Variants in BRWD1 observed in about 807,000 individuals in gnomAD.
BRWD1 encodes bromodomain and WD repeat-containing protein 1.
A neutral mutation model predicts 251.2 loss-of-function variants in BRWD1; 82 were observed. The observed-to-expected ratio is 0.33, with a 90% CI of 0.27 to 0.39. The LOEUF is 0.39. Among genes scored for constraint, BRWD1 ranks in the 10% least tolerant of loss-of-function variants. The pLI is 1.00. For synonymous variants in BRWD1, 918 were observed against 902.8 expected, an observed-to-expected ratio of 1.02 and a Z score of -0.30; for missense variants, 2,233 against 2,711.6, an observed-to-expected ratio of 0.82 and a Z score of 3.92.
intron 10 of BRWD1, 99 bp from the exon 11 acceptor site, chr21:39,277,450 CCTAAAA>C (rs2035313216): frequency 9.5e-6 from 7 of 738,308 alleles, no homozygotes; most frequent in African/African-American, 3.7e-5. Context: ...GATCATTTAC[CCTAAAA>C]CTAAGTTTAT....
intron 15 of BRWD1, among the ~76,000 whole-genome samples, chr21:39,269,098 A>T (rs1433440434): frequency 6.6e-6 from 1 of 152,206 alleles, no homozygotes; most frequent in Non-Finnish European, 1.5e-5. Context: ...AATATATCTA[A>T]AAAGATGTTA....
chr21:39,210,660 A>C (rs2032615466), intron 35 of BRWD1, 126 bp downstream of exon 35: 14 of 1,090,470 alleles, frequency 1.3e-5, no homozygotes, highest in African/African-American at 1.6e-5. Flanking sequence ...CCACTAACTT[A>C]GTGATAGGAG....
chr21:39,304,580 C>G (rs1353521172), intron 4 of BRWD1, among the ~76,000 whole-genome samples: 1 of 151,342 alleles, frequency 6.6e-6, no homozygotes, highest in Non-Finnish European at 1.5e-5. Context: ...TGCCACTGCA[C>G]TCCACCCTGG....
chr21:39,269,451 C>T (rs1352158914), intron 15 of BRWD1, among the ~76,000 whole-genome samples: 3 of 151,512 alleles, frequency 2.0e-5, no homozygotes, highest in Admixed American at 6.6e-5. Context: ...TTCAGAGCCA[C>T]CACACCCAGC....
chr21:39,301,872 G>A (rs899050039), intron 4 of BRWD1, among the ~76,000 whole-genome samples: 12 of 135,934 alleles, frequency 8.8e-5, no homozygotes, highest in African/African-American at 3.4e-4. Flanking sequence ...GCATAAGGCA[G>A]TAGAACATCT....
chr21:39,310,649 G>A (rs899750288), intron 4 of BRWD1, among the ~76,000 whole-genome samples: 3 of 152,096 alleles, frequency 2.0e-5, no homozygotes, highest in Non-Finnish European at 4.4e-5. Flanking sequence ...ATACAGCGGT[G>A]CATTACATTA....
At position 39,199,081 on chromosome 21, in the gene BRWD1, C is replaced by T; in HGVS notation, c.5335G>A (p.Val1779Met). 6.2e-7 allele frequency: 1 copy of T among 1,614,118 alleles called. No individual in the cohort carries two copies. The highest frequency in any genetic ancestry group is 8.5e-7 in the Non-Finnish European group (1 of 1,180,004). Residue 1779 changes from valine (V) to methionine (M), a missense_variant, in exon 40 of 41, where the codon GTG (valine) becomes ATG (methionine). Transcript: ENST00000342449. ...ATGCTCTCTGCCTTAAGTTTCTGCA[C>T]AGACGTTGATGGGCCAGCAGTTCTG... ...CNRTAGPSTSVQKLKAESISE... is the reference protein window; with the variant it reads ...CNRTAGPSTSMQKLKAESISE...
chr21:39,221,900 C>CAA (rs541461821), intron 29 of BRWD1, among the ~76,000 whole-genome samples: 3 of 124,848 alleles, frequency 2.4e-5, no homozygotes, highest in African/African-American at 8.9e-5. Context: ...GAGACTGTCT[C>CAA]AAAAAAAAAA....
chr21:39,287,084 T>C lies in BRWD1; in HGVS notation c.831+6727A>G, dbSNP rs139953935. On this transcript the variant is annotated intron_variant, in intron 8 of 40. Transcript: ENST00000342449. Reference sequence around the variant, plus strand: ...AACCCTAAAATCCTTAGTGTGTATCTCCTAACAATGACATTCTCCTACATA... The same window carrying C: ...AACCCTAAAATCCTTAGTGTGTATCCCCTAACAATGACATTCTCCTACATA... Among the ~76,000 whole-genome samples, 12 of 152,296 alleles carry C rather than the reference T, an allele frequency of 7.9e-5. No individual in the cohort carries two copies. In the East Asian group the frequency reaches 2.1e-3, roughly 27 times the overall value.
chr21:39,204,782 G>A (rs1314858214), intron 37 of BRWD1, among the ~76,000 whole-genome samples: 1 of 152,152 alleles, frequency 6.6e-6, no homozygotes, highest in Non-Finnish European at 1.5e-5. Context: ...CTCATAAGGA[G>A]CACACAACCT....
chr21:39,276,545 T>TAAAAG (rs2035287133), intron 11 of BRWD1, among the ~76,000 whole-genome samples: 1 of 152,212 alleles, frequency 6.6e-6, no homozygotes, highest in Non-Finnish European at 1.5e-5. Context: ...AAATATAGGC[T>TAAAAG]TTAAAGTAGC....
intron 15 of BRWD1, among the ~76,000 whole-genome samples, chr21:39,268,703 G>A (rs1018707827): frequency 2.0e-5 from 3 of 152,066 alleles, no homozygotes; most frequent in Non-Finnish European, 4.4e-5. Context: ...AAGAAAAATA[G>A]AGGCCAGGCA....
intron 19 of BRWD1, among the ~76,000 whole-genome samples, chr21:39,252,315 T>C (rs1226636658): frequency 1.3e-5 from 2 of 152,008 alleles, no homozygotes; most frequent in Non-Finnish European, 2.9e-5. Flanking sequence ...ACAAACTACG[T>C]GCCTGAATCC....
chr21:39,304,888 T>C (rs2036236800), intron 4 of BRWD1, among the ~76,000 whole-genome samples: 1 of 151,790 alleles, frequency 6.6e-6, no homozygotes, highest in African/African-American at 2.4e-5. Flanking sequence ...AAATCCTAAA[T>C]TTGAATGTAC....
chr21:39,309,784 C>G (rs8128894), intron 4 of BRWD1, among the ~76,000 whole-genome samples: 47,751 of 146,750 alleles, frequency 0.33, 8,093 homozygotes, highest in Middle Eastern at 0.37. Flanking sequence ...GAGATCGCAC[C>G]GCTGCACTCC....
intron 39 of BRWD1, among the ~76,000 whole-genome samples, 173 bp downstream of exon 39, chr21:39,200,046 C>A (rs2032030914): frequency 6.6e-6 from 1 of 152,242 alleles, no homozygotes; most frequent in African/African-American, 2.4e-5. Flanking sequence ...AGCCACCGCA[C>A]CCAGCCTTTT....
At chr21:39,207,527 A>G (rs560583665) in intron 36 of BRWD1, among the ~76,000 whole-genome samples, 3 of 151,646 alleles carry the variant, frequency 2.0e-5, no homozygotes, top group Admixed American at 2.0e-4. Flanking sequence ...GGATGTGAAC[A>G]AACTGTGGCT....
At chr21:39,306,500 C>T (rs760615173) in intron 4 of BRWD1, among the ~76,000 whole-genome samples, 23 of 152,066 alleles carry the variant, frequency 1.5e-4, no homozygotes, top group Admixed American at 2.0e-4. Context: ...CCTAAGAATT[C>T]GGAAGGACTA....
At chr21:39,273,390 CA>C in intron 13 of BRWD1, among the ~76,000 whole-genome samples, 1 of 152,182 alleles carries the variant, frequency 6.6e-6, no homozygotes, top group East Asian at 1.9e-4. Context: ...TTCTCTATCA[CA>C]GATAATTCCA....
Sources: allele counts gnomAD v4.1 joint callset (sites outside exome capture counted in the v4.1 genomes callset), GRCh38; gene constraint gnomAD v4.1.1; transcripts MANE v1.5; gene names NCBI Gene and HGNC (gene_info 2026-07-23, HGNC 2026-07-21).